Variants in NXPH2 observed in about 807,000 individuals in gnomAD.
NXPH2 encodes neurexophilin 2, also known as neurexophilin-2.
NXPH2 carries 5 observed loss-of-function variants against 19.8 expected under a neutral mutation model. The observed-to-expected ratio is 0.25, with a 90% CI of 0.13 to 0.53. The LOEUF (loss-of-function observed/expected upper bound fraction) is 0.53. Among genes scored for constraint, NXPH2 ranks in the 20% least tolerant of loss-of-function variants. The pLI is 0.96. For missense variants in NXPH2, 289 were observed against 322.8 expected, an observed-to-expected ratio of 0.90 and a Z score of 0.80; for synonymous variants, 154 against 127.4, an observed-to-expected ratio of 1.21 and a Z score of -1.41.
At chr2:138,746,675 C>G (rs1220758261) in intron 1 of NXPH2, among the ~76,000 whole-genome samples, 1 of 152,190 alleles carries the variant, frequency 6.6e-6, no homozygotes, top group Non-Finnish European at 1.5e-5. Flanking sequence ...GACTACTGCT[C>G]TCTCTTGCTC....
At chr2:138,758,842 T>A (rs1272354209) in intron 1 of NXPH2, among the ~76,000 whole-genome samples, 1 of 152,108 alleles carries the variant, frequency 6.6e-6, no homozygotes, top group Non-Finnish European at 1.5e-5. Flanking sequence ...GCCACTCCAA[T>A]CTTCTGAAAA....
At chr2:138,729,442 T>C (rs1487193766) in intron 1 of NXPH2, among the ~76,000 whole-genome samples, 1 of 152,208 alleles carries the variant, frequency 6.6e-6, no homozygotes, top group Non-Finnish European at 1.5e-5. Flanking sequence ...TATGAAACTG[T>C]GAGGCAATTA....
At chr2:138,725,099 A>G (rs1225529542) in intron 1 of NXPH2, among the ~76,000 whole-genome samples, 1 of 152,250 alleles carries the variant, frequency 6.6e-6, no homozygotes, top group Non-Finnish European at 1.5e-5. Context: ...TTGCTTTTAA[A>G]TGTAGTCTCA....
At chr2:138,703,458 G>A (rs555365906) in intron 1 of NXPH2, among the ~76,000 whole-genome samples, 1 of 152,156 alleles carries the variant, frequency 6.6e-6, no homozygotes, top group South Asian at 2.1e-4. Context: ...AAAGGCAGAG[G>A]TGCCACAGTA....
chr2:138,773,664 A>G (rs1376778051), intron 1 of NXPH2, among the ~76,000 whole-genome samples: 1 of 152,206 alleles, frequency 6.6e-6, no homozygotes, highest in African/African-American at 2.4e-5. Flanking sequence ...ACTTAAATTG[A>G]TAAGATTTAA....
chr2:138,702,278 A>G (rs924424408), intron 1 of NXPH2, among the ~76,000 whole-genome samples: 3 of 152,026 alleles, frequency 2.0e-5, no homozygotes, highest in African/African-American at 7.2e-5. Flanking sequence ...CACCATCCCT[A>G]GCTAAATATT....
At chr2:138,717,528 C>A (rs1380334342) in intron 1 of NXPH2, among the ~76,000 whole-genome samples, 1 of 151,694 alleles carries the variant, frequency 6.6e-6, no homozygotes, top group Non-Finnish European at 1.5e-5. Flanking sequence ...AAGGGAAAAG[C>A]ACCTCTCTTG....
chr2:138,717,359 A>G (rs973998518), intron 1 of NXPH2, among the ~76,000 whole-genome samples: 1 of 151,996 alleles, frequency 6.6e-6, no homozygotes, highest in Non-Finnish European at 1.5e-5. Context: ...TGGCTATAAC[A>G]AAATACCATA....
intron 1 of NXPH2, 112 bp from the exon 2 acceptor site, chr2:138,671,777 C>T (rs1680420868): frequency 1.8e-6 from 2 of 1,121,340 alleles, no homozygotes; most frequent in Non-Finnish European, 2.4e-6. Context: ...GATTCTTGTT[C>T]GACAGCATTT....
intron 1 of NXPH2, among the ~76,000 whole-genome samples, chr2:138,720,743 T>A (rs1235656902): frequency 6.6e-6 from 1 of 152,180 alleles, no homozygotes; most frequent in African/African-American, 2.4e-5. Context: ...GTTCTCCCAT[T>A]TTCTAGTTAT....
chr2:138,678,321 A>G (rs1451078398), intron 1 of NXPH2, among the ~76,000 whole-genome samples: 2 of 152,216 alleles, frequency 1.3e-5, no homozygotes, highest in African/African-American at 2.4e-5. Flanking sequence ...ATGTTAAGCA[A>G]CTTGTCACTG....
chr2:138,728,468 G>A (rs1235175988), intron 1 of NXPH2, among the ~76,000 whole-genome samples: 2 of 152,120 alleles, frequency 1.3e-5, no homozygotes, highest in Non-Finnish European at 2.9e-5. Context: ...ATCTGATAAG[G>A]ACTATTTGGA....
At chr2:138,759,121 T>C (rs1345127882) in intron 1 of NXPH2, among the ~76,000 whole-genome samples, 3 of 152,206 alleles carry the variant, frequency 2.0e-5, no homozygotes, top group Non-Finnish European at 4.4e-5. Flanking sequence ...TTTCCTTTTT[T>C]CAATTTTTTT....
In NXPH2 at chr2:138,691,644, G is replaced by A. The variant is rs867153569; in HGVS notation, c.52-19979C>T. Among the ~76,000 whole-genome samples, 3 of 152,190 alleles carry A rather than the reference G, an allele frequency of 2.0e-5. No individual in the cohort carries two copies. In the Middle Eastern group the frequency reaches 0.01, roughly 518 times the overall value. On this transcript the variant is annotated intron_variant, in intron 1 of 1. Coordinates refer to ENST00000272641, the MANE Select transcript of NXPH2 (RefSeq NM_007226.3). ...TACTTTTCTGGTACATGCACTCTTG[G>A]AACCTGAGCGACAAGGTAAGAAGTG...
chr2:138,682,433 AAAG>A (rs1309378540), intron 1 of NXPH2, among the ~76,000 whole-genome samples: 1 of 152,198 alleles, frequency 6.6e-6, no homozygotes, highest in African/African-American at 2.4e-5. Context: ...CAGTAGATTA[AAAG>A]AAGAATGACA....
intron 1 of NXPH2, among the ~76,000 whole-genome samples, chr2:138,770,954 A>G (rs1302445289): frequency 6.6e-5 from 10 of 152,148 alleles, no homozygotes; most frequent in Non-Finnish European, 1.2e-4. Context: ...ACAATGAAGT[A>G]CTTTCCTTTA....
intron 1 of NXPH2, among the ~76,000 whole-genome samples, chr2:138,726,954 C>T (rs1681370024): frequency 6.6e-6 from 1 of 152,150 alleles, no homozygotes; most frequent in African/African-American, 2.4e-5. Context: ...TTCATCCCTC[C>T]CTCCCTGCTC....
At chr2:138,709,080 G>T (rs1382348758) in intron 1 of NXPH2, among the ~76,000 whole-genome samples, 1 of 152,092 alleles carries the variant, frequency 6.6e-6, no homozygotes, top group Non-Finnish European at 1.5e-5. Context: ...TAGCAGCAGG[G>T]ACTGGCAATG....
chr2:138,701,409 G>C (rs1441922335), intron 1 of NXPH2, among the ~76,000 whole-genome samples: 1 of 152,148 alleles, frequency 6.6e-6, no homozygotes, highest in Non-Finnish European at 1.5e-5. Context: ...TACAAAGATG[G>C]ATAGGAAGGA....
Sources: allele counts gnomAD v4.1 joint callset (sites outside exome capture counted in the v4.1 genomes callset), GRCh38; gene constraint gnomAD v4.1.1; transcripts MANE v1.5; gene names NCBI Gene and HGNC (gene_info 2026-07-23, HGNC 2026-07-21).